Variants in GRIN3A observed in about 807,000 individuals in gnomAD.
The protein encoded by GRIN3A is glutamate receptor ionotropic, NMDA 3A.
In GRIN3A, 47 loss-of-function variants were observed where a neutral mutation model predicts 92.4. The ratio of observed to expected loss-of-function variants is 0.51; its 90% CI spans 0.40 to 0.65. The LOEUF is 0.65. Among genes scored for constraint, GRIN3A ranks in the 30% least tolerant of loss-of-function variants. The pLI, the probability that GRIN3A is intolerant of heterozygous loss-of-function variation, is 0.00. For synonymous variants in GRIN3A, 527 were observed against 540.6 expected (o/e 0.97, Z 0.35); for missense variants, 1,324 against 1,393.1 (o/e 0.95, Z 0.79).
Position 101,686,721 on chromosome 9 carries a change from C to A in GRIN3A, c.1179G>T (p.Met393Ile). The A allele has an allele frequency of 6.2e-7, 1 of 1,614,214 alleles. No homozygotes were observed. The highest frequency in any genetic ancestry group is 8.5e-7 in the Non-Finnish European group (1 of 1,180,038). The change falls in exon 2 of 9, where the codon ATG (methionine) becomes ATT (isoleucine). Residue 393 changes from methionine to isoleucine, a missense_variant. Transcript: ENST00000361820. ...SVFEHYVQDA[M>I]ELVARAVATA... ...TGGCTACAGCTCTTGCGACCAGCTC[C>A]ATAGCATCTTGTACGTAGTGCTCAA...
At chr9:101,708,834 G>A (rs957816408) in intron 1 of GRIN3A, among the ~76,000 whole-genome samples, 3 of 152,158 alleles carry the variant, frequency 2.0e-5, no homozygotes, top group African/African-American at 7.2e-5. Flanking sequence ...AAGTAACTTT[G>A]CAGACTGTCA....
intron 6 of GRIN3A, chr9:101,595,103 G>A (rs1426988950): frequency 6.3e-6 from 4 of 638,346 alleles, no homozygotes; most frequent in Non-Finnish European, 1.1e-5. Flanking sequence ...GAGAGGGAGC[G>A]GAGAGAGGAG....
chr9:101,604,003 T>C (rs1162932353), intron 6 of GRIN3A, among the ~76,000 whole-genome samples: 1 of 152,140 alleles, frequency 6.6e-6, no homozygotes, highest in Non-Finnish European at 1.5e-5. Context: ...TGTGGCGGTG[T>C]GGAATTGGGT....
intron 1 of GRIN3A, among the ~76,000 whole-genome samples, chr9:101,730,692 T>C (rs1439895073): frequency 1.3e-5 from 2 of 152,052 alleles, no homozygotes; most frequent in African/African-American, 2.4e-5. Flanking sequence ...CCTCACAAAG[T>C]AACTGTGAGG....
At chr9:101,608,506 T>G (rs1216554178) in intron 6 of GRIN3A, among the ~76,000 whole-genome samples, 1 of 152,226 alleles carries the variant, frequency 6.6e-6, no homozygotes, top group Non-Finnish European at 1.5e-5. Context: ...TCTTTTTTTT[T>G]GGTCTATACT....
At chr9:101,628,914 A>G (rs1828675378) in intron 3 of GRIN3A, among the ~76,000 whole-genome samples, 1 of 149,538 alleles carries the variant, frequency 6.7e-6, no homozygotes, top group South Asian at 2.1e-4. Context: ...TAGTGTTTTC[A>G]TAAAATGTTC....
chr9:101,654,621 T>C (rs984678449), intron 3 of GRIN3A, among the ~76,000 whole-genome samples: 4 of 151,686 alleles, frequency 2.6e-5, no homozygotes, highest in South Asian at 2.1e-4. Context: ...TCTTTTTTTT[T>C]CCTCATTTAC....
intron 5 of GRIN3A, among the ~76,000 whole-genome samples, chr9:101,615,214 CTTT>C (rs66704416): frequency 1.4e-5 from 2 of 143,814 alleles, no homozygotes; most frequent in Non-Finnish European, 1.5e-5. Context: ...AACCCAAACC[CTTT>C]TTTTTTTTGC....
intron 5 of GRIN3A, among the ~76,000 whole-genome samples, chr9:101,619,534 C>T (rs1421533900): frequency 6.6e-6 from 1 of 152,186 alleles, no homozygotes; most frequent in Non-Finnish European, 1.5e-5. Context: ...ATCCTCACAA[C>T]AATTCTATCA....
At chr9:101,575,740 T>C (rs1267352832) in intron 8 of GRIN3A, among the ~76,000 whole-genome samples, 1 of 152,152 alleles carries the variant, frequency 6.6e-6, no homozygotes, top group East Asian at 1.9e-4. Flanking sequence ...TGTCAAGTTG[T>C]AGCATGCATG....
intron 1 of GRIN3A, among the ~76,000 whole-genome samples, chr9:101,694,920 G>C (rs1829665639): frequency 6.6e-6 from 1 of 152,184 alleles, no homozygotes; most frequent in Non-Finnish European, 1.5e-5. Context: ...ACTTCAGAGA[G>C]TCACTGCAAT....
rs1224548008 is a variant in GRIN3A, at chr9:101,592,314, C to T, written c.2767-12954G>A. 2.0e-5 allele frequency: 3 copies of T among 152,174 alleles called. No individual in the cohort carries two copies. In the East Asian group the frequency reaches 5.8e-4, roughly 29 times the overall value. 9.4% of individuals were successfully genotyped at this position (152,174 alleles called of 1,614,324 possible). A position where few individuals can be genotyped will look rare whatever the true frequency, so the allele number is the denominator to read the frequency against. On this transcript the variant is annotated intron_variant, in intron 6 of 8. Coordinates refer to ENST00000361820, the MANE Select transcript of GRIN3A (RefSeq NM_133445.3). Reference sequence around the variant, plus strand: ...CAAAAGCAACCAGTAAGCCTCATGTCTCCTTTACATATTGATCTTGTAGAA... The same window carrying T: ...CAAAAGCAACCAGTAAGCCTCATGTTTCCTTTACATATTGATCTTGTAGAA...
chr9:101,701,210 C>A (rs537918380), intron 1 of GRIN3A, among the ~76,000 whole-genome samples: 9 of 152,258 alleles, frequency 5.9e-5, no homozygotes, highest in African/African-American at 1.7e-4. Context: ...TGGTAACTTT[C>A]TTTCTTTCTT....
rs886981519 is a variant in GRIN3A, at chr9:101,737,262, C to A, written c.699+19G>T. The A allele has an allele frequency of 2.5e-6, 4 of 1,608,306 alleles. No individual in the cohort carries two copies. The Admixed American group carries it at 5.0e-5, about 20-fold the overall frequency. On this transcript the variant is annotated intron_variant, in intron 1 of 8. Coordinates refer to ENST00000361820, the MANE Select transcript of GRIN3A (RefSeq NM_133445.3). ...CCCAGCAGCGCCCATCTCCACTCCACGCACCAGGCTCCTCTCACCTGACTC... is the reference window on the plus strand; with the variant it reads ...CCCAGCAGCGCCCATCTCCACTCCAAGCACCAGGCTCCTCTCACCTGACTC...
intron 3 of GRIN3A, among the ~76,000 whole-genome samples, chr9:101,631,967 T>A (rs1204478492): frequency 6.6e-6 from 1 of 152,096 alleles, no homozygotes; most frequent in Admixed American, 6.6e-5. Flanking sequence ...CATCAATGGC[T>A]CCCCCATGGC....
intron 5 of GRIN3A, among the ~76,000 whole-genome samples, chr9:101,619,864 T>C (rs1250260390): frequency 6.6e-6 from 1 of 152,224 alleles, no homozygotes; most frequent in Non-Finnish European, 1.5e-5. Context: ...CTTTTTTTTC[T>C]CCCCTGCACA....
At chr9:101,734,757 T>A (rs1404998335) in intron 1 of GRIN3A, among the ~76,000 whole-genome samples, 1 of 151,910 alleles carries the variant, frequency 6.6e-6, no homozygotes, top group Non-Finnish European at 1.5e-5. Flanking sequence ...TTGCTGCTCT[T>A]GCTATGAAAG....
At position 101,571,036 on chromosome 9, in the gene GRIN3A, T is replaced by G. The variant is rs1168869649; in HGVS notation, c.*2138A>C. The G allele has an allele frequency of 1.3e-5, 2 of 152,214 alleles. No homozygotes were observed. Among genetic ancestry groups the G allele is most frequent in the African/African-American group, 2.4e-5 (1 of 41,408 alleles). 9.4% of individuals were successfully genotyped at this position (152,214 alleles called of 1,614,324 possible). A position where few individuals can be genotyped will look rare whatever the true frequency, so the allele number is the denominator to read the frequency against. On this transcript the variant is annotated 3_prime_UTR_variant, in exon 9 of 9. Coordinates refer to ENST00000361820, the MANE Select transcript of GRIN3A (RefSeq NM_133445.3). The stretch of plus-strand genomic sequence containing the variant: ...GAGCATGGTGGCAGAGTCTCCAGCA[T>G]TCTTAGCTGGTACAAGTGGGTGGGG...
chr9:101,677,144 T>G (rs564236333), intron 2 of GRIN3A, among the ~76,000 whole-genome samples: 1 of 152,162 alleles, frequency 6.6e-6, no homozygotes, highest in South Asian at 2.1e-4. Flanking sequence ...TCCAGTTATC[T>G]GAATTATTTA....
Sources: gnomAD v4.1 joint callset for allele counts (sites outside exome capture counted in the v4.1 genomes callset) on GRCh38, gnomAD v4.1.1 for gene constraint, MANE v1.5 for transcripts, NCBI Gene and HGNC (gene_info 2026-07-23, HGNC 2026-07-21) for gene names.